The following IPO11 variants were observed in gnomAD, a reference collection of about 807,000 sequenced individuals.
IPO11 encodes importin-11.
In IPO11, 66 loss-of-function variants were observed where a neutral mutation model predicts 143.2. The ratio of observed to expected loss-of-function variants is 0.46; its 90% CI spans 0.38 to 0.57. The LOEUF (loss-of-function observed/expected upper bound fraction) is 0.57. IPO11 is among the 20% of genes least tolerant of loss of function. The pLI is 0.00. For missense variants in IPO11, 1,026 were observed against 1,141.0 expected, an observed-to-expected ratio of 0.90 and a Z score of 1.45; for synonymous variants, 385 against 377.8, an observed-to-expected ratio of 1.02 and a Z score of -0.22.
chr5:62,514,484 T>A (rs191782), intron 19 of IPO11, among the ~76,000 whole-genome samples: 54 of 149,714 alleles, frequency 3.6e-4, no homozygotes, highest in African/African-American at 1.2e-3. Flanking sequence ...CGCAGGCACT[T>A]GGCAGGCTGA....
At chr5:62,513,408 GC>G (rs1408042338) in intron 19 of IPO11, among the ~76,000 whole-genome samples, 4 of 116,146 alleles carry the variant, frequency 3.4e-5, no homozygotes, top group Non-Finnish European at 3.8e-5. Flanking sequence ...CCGGGAGGGG[GC>G]GCTGACCCCC....
Position 62,457,870 on chromosome 5 carries a change from C to T in IPO11, c.516+5937C>T, listed in dbSNP as rs149819315. Among the ~76,000 whole-genome samples the T allele has an allele frequency of 5.2e-3, 793 of 152,120 alleles. 7 individuals are homozygous for T. Among genetic ancestry groups the T allele is most frequent in the African/African-American group, 0.017 (724 of 41,500 alleles). On this transcript the variant is annotated intron_variant, in intron 5 of 29. Coordinates refer to ENST00000325324, the MANE Select transcript of IPO11 (RefSeq NM_016338.5). The stretch of plus-strand genomic sequence containing the variant: ...ATTTATTTAAAAGATAAATGCCGGC[C>T]GGGCGCGGTGGCTCACGCCTGTAAT...
chr5:62,554,718 G>T (rs151128892), intron 26 of IPO11, among the ~76,000 whole-genome samples: 84 of 150,938 alleles, frequency 5.6e-4, no homozygotes, highest in Non-Finnish European at 1.1e-3. Context: ...CACTTTTTTG[G>T]GGGGGTGGGG....
intron 23 of IPO11, 142 bp from the exon 24 acceptor site, chr5:62,537,067 A>T: frequency 1.8e-6 from 1 of 567,728 alleles, no homozygotes; most frequent in Non-Finnish European, 3.0e-6. Context: ...ACTTTTCCTA[A>T]GCGTTCTGAT....
intron 5 of IPO11, among the ~76,000 whole-genome samples, chr5:62,457,506 C>G (rs1745205880): frequency 6.6e-6 from 1 of 152,106 alleles, no homozygotes; most frequent in African/African-American, 2.4e-5. Context: ...TTCTGCTAAA[C>G]AACACATGAA....
At chr5:62,596,689 C>T (rs1012254200) in intron 28 of IPO11, among the ~76,000 whole-genome samples, 2 of 152,148 alleles carry the variant, frequency 1.3e-5, no homozygotes, top group African/African-American at 4.8e-5. Flanking sequence ...TGGATTCTGA[C>T]ATCTGTATAT....
chr5:62,598,526 CT>C (rs371433782), intron 28 of IPO11, among the ~76,000 whole-genome samples: 146 of 4,572 alleles, frequency 0.032, 5 homozygotes, highest in African/African-American at 0.09. Flanking sequence ...TTCTTTCTTT[CT>C]TTTCTTTCTT....
chr5:62,555,099 T>C (rs1743526004), intron 26 of IPO11, among the ~76,000 whole-genome samples: 1 of 152,186 alleles, frequency 6.6e-6, no homozygotes, highest in Non-Finnish European at 1.5e-5. Flanking sequence ...TTTGGGATTT[T>C]TTTATGGTCC....
At chr5:62,580,069 T>C (rs1390142691) in intron 27 of IPO11, 1 of 1,551,030 alleles carries the variant, frequency 6.4e-7, no homozygotes, top group African/African-American at 1.4e-5. Context: ...TTGTTTGTAT[T>C]TAGGAAGTAA....
intron 27 of IPO11, among the ~76,000 whole-genome samples, chr5:62,581,769 G>A (rs1466690987): frequency 1.3e-5 from 2 of 152,144 alleles, no homozygotes; most frequent in African/African-American, 2.4e-5. Flanking sequence ...CTTATTCTAG[G>A]TAGAGCTTGA....
chr5:62,426,202 C>T, intron 1 of IPO11, among the ~76,000 whole-genome samples: 1 of 152,192 alleles, frequency 6.6e-6, no homozygotes, highest in East Asian at 1.9e-4. Flanking sequence ...GCCTACCCAA[C>T]ATGGTGAAAC....
chr5:62,567,800 G>T (rs1744006346), intron 27 of IPO11, among the ~76,000 whole-genome samples: 1 of 151,520 alleles, frequency 6.6e-6, no homozygotes, highest in East Asian at 1.9e-4. Flanking sequence ...GACCTAAGGT[G>T]ATCCGCCCAC....
intron 15 of IPO11, among the ~76,000 whole-genome samples, chr5:62,490,970 T>A (rs950293143): frequency 2.6e-5 from 4 of 152,146 alleles, no homozygotes; most frequent in African/African-American, 4.8e-5. Flanking sequence ...CTACTTAAAT[T>A]TTAGGTATTG....
intron 20 of IPO11, among the ~76,000 whole-genome samples, chr5:62,521,810 A>G (rs890635182): frequency 1.4e-5 from 2 of 144,348 alleles, no homozygotes; most frequent in South Asian, 2.2e-4. Context: ...CTTTTTATTG[A>G]GTTTTTCTTT....
In IPO11 at chr5:62,483,270, A is replaced by T; in HGVS notation, c.998A>T (p.Tyr333Phe). 6.4e-7 allele frequency: 1 copy of T among 1,573,666 alleles called. No individual in the cohort carries two copies. The highest frequency in any genetic ancestry group is 8.6e-7 in the Non-Finnish European group (1 of 1,162,074). The stretch of plus-strand genomic sequence containing the variant: ...AAGATGATTGTCAAAAATTATGCTT[A>T]TAAGCCATCCAAAAATTTTGAAGGT... ...LIKMIVKNYA[Y>F]KPSKNFEDSS... Residue 333 changes from tyrosine (Y) to phenylalanine (F), a missense_variant, in exon 10 of 30, where the codon TAT (tyrosine) becomes TTT (phenylalanine). Around this residue, in one of 5 missense-constraint regions of IPO11, gnomAD observed 429 missense variants for 456.3 expected, o/e 0.94. Transcript: ENST00000325324.
At chr5:62,576,863 G>T (rs943907501) in intron 27 of IPO11, among the ~76,000 whole-genome samples, 1 of 152,202 alleles carries the variant, frequency 6.6e-6, no homozygotes, top group East Asian at 1.9e-4. Flanking sequence ...ATACATTCTT[G>T]TTTTTGTATG....
Position 62,435,071 on chromosome 5 carries a change from T to TGTATATATAC in IPO11, c.-6-2194_-6-2193insCGTATATATA, listed in dbSNP as rs1316346769. 5.6e-4 allele frequency among the ~76,000 whole-genome samples: 64 copies of TGTATATATAC among 113,790 alleles called. 2 individuals carry two copies. The highest frequency in any genetic ancestry group is 2.3e-3 in the African/African-American group (63 of 27,842). The allele number at this position is 113,790 out of a possible 152,430, so 74.7% of individuals were successfully genotyped here. On this transcript the variant is annotated intron_variant, in intron 1 of 29. Transcript: ENST00000325324. ...ATGTGTATATATATATGTATATATA[T>TGTATATATAC]GTATATATATGTGTATATATGTATA...
At chr5:62,603,023 G>A (rs893364878) in intron 29 of IPO11, among the ~76,000 whole-genome samples, 5 of 152,022 alleles carry the variant, frequency 3.3e-5, no homozygotes, top group African/African-American at 1.2e-4. Flanking sequence ...CATATAATAA[G>A]TCCTCATTTA....
chr5:62,525,045 G>T (rs1190116220), intron 20 of IPO11, among the ~76,000 whole-genome samples: 2 of 152,020 alleles, frequency 1.3e-5, no homozygotes, highest in African/African-American at 2.4e-5. Context: ...ATTTTAGATC[G>T]AAACTTCTCT....
Sources: allele counts gnomAD v4.1 joint callset (sites outside exome capture counted in the v4.1 genomes callset), GRCh38; gene constraint gnomAD v4.1.1; regional missense constraint gnomAD v4.1.1; transcripts MANE v1.5; gene names NCBI Gene and HGNC (gene_info 2026-07-23, HGNC 2026-07-21).